The following PCNX3 variants were observed in gnomAD, a reference collection of about 807,000 sequenced individuals.
PCNX3 encodes pecanex 3, also known as pecanex-like protein 3.
A neutral mutation model predicts 207.2 loss-of-function variants in PCNX3; 58 were observed. The observed-to-expected ratio is 0.28, with a 90% confidence interval of 0.23 to 0.35. The LOEUF (loss-of-function observed/expected upper bound fraction) is 0.35, where lower values mean the gene tolerates loss of function less well. Among genes scored for constraint, PCNX3 ranks in the 10% least tolerant of loss-of-function variants. PCNX3 has a pLI of 1.00. For synonymous variants in PCNX3, 1,337 were observed against 1,183.5 expected (o/e 1.13, Z -2.66); for missense variants, 2,410 against 2,774.4 (o/e 0.87, Z 2.95).
chr11:65,632,238 C>A (rs1191670951), intron 27 of PCNX3, among the ~76,000 whole-genome samples: 1 of 151,394 alleles, frequency 6.6e-6, no homozygotes, highest in Non-Finnish European at 1.5e-5. Context: ...CTTGGAGGAC[C>A]TGGGGTGGCT....
Position 65,618,338 on chromosome 11 carries a change from C to A in PCNX3, c.976C>A (p.Pro326Thr). 6.2e-7 allele frequency: 1 copy of A among 1,611,844 alleles called. No homozygotes were observed. The highest frequency in any genetic ancestry group is 1.7e-5 in the Admixed American group (1 of 60,016). ...GACCAACTCCACCCATCTGGACAGCCCCCCAGGGGGGCCAGCCCCTGAGGG... is the reference window on the plus strand; with the variant it reads ...GACCAACTCCACCCATCTGGACAGCACCCCAGGGGGGCCAGCCCCTGAGGG... ...EKTNSTHLDS[P>T]PGGPAPEGSD... The change falls in exon 6 of 35, where the codon CCC (proline) becomes ACC (threonine). Residue 326 changes from proline (P) to threonine (T), a missense_variant. By Grantham distance (38) the Pro-to-Thr change is conservative. Transcript: ENST00000355703.
At chr11:65,619,422 C>T (rs1448895833) in intron 6 of PCNX3, 115 bp from the exon 7 acceptor site, 14 of 1,473,938 alleles carry the variant, frequency 9.5e-6, no homozygotes, top group East Asian at 2.4e-5. Flanking sequence ...GCCTCAGAGC[C>T]GGGGCGTGGT....
In PCNX3 at chr11:65,628,943, C is replaced by G. The variant is rs533208060; in HGVS notation, c.3936C>G (p.Asp1312Glu). Residue 1312 changes from aspartate (D) to glutamate (E), a missense_variant, in exon 24 of 35, where the codon GAC becomes GAG. Physicochemically the swap from Asp to Glu is conservative, Grantham distance 45 (BLOSUM62 2). Around this residue, in one of 8 missense-constraint regions of PCNX3, gnomAD observed 420 missense variants for 705.3 expected, o/e 0.60. Coordinates refer to ENST00000355703, the MANE Select transcript of PCNX3 (RefSeq NM_032223.4). The part of the protein sequence containing the change: ...YARPLKFWER[D>E]YNTKRVDHSN... ...GGCCCCTCAAGTTCTGGGAGCGCGA[C>G]TACAAGTGAGTCTCACAGGAGGCGG... 5.6e-6 allele frequency: 9 copies of G among 1,611,510 alleles called. No homozygotes were observed. Among genetic ancestry groups the G allele is most frequent in the African/African-American group, 1.3e-5 (1 of 74,944 alleles).
Position 65,619,002 on chromosome 11 carries a change from G to A in PCNX3, c.1640G>A (p.Arg547Lys), listed in dbSNP as rs1304127658. The A allele has an allele frequency of 6.3e-7, 1 of 1,597,958 alleles. No homozygotes were observed. Among genetic ancestry groups the A allele is most frequent in the African/African-American group, 1.3e-5 (1 of 74,974 alleles). ...EPVVLPAEARRGPAANQPGWR... is the reference protein window; with the variant it reads ...EPVVLPAEARKGPAANQPGWR... ...GTTGTGCTGCCTGCTGAGGCGCGAAGGGGACCCGCTGCCAACCAGCCCGGC... is the reference window on the plus strand; with the variant it reads ...GTTGTGCTGCCTGCTGAGGCGCGAAAGGGACCCGCTGCCAACCAGCCCGGC... The change falls in exon 6 of 35, where the codon AGG becomes AAG. Residue 547 changes from arginine to lysine, a missense_variant. Around this residue, in one of 8 missense-constraint regions of PCNX3, gnomAD observed 1,104 missense variants for 970.3 expected, o/e 1.14. Transcript: ENST00000355703.
rs1855357601 is a variant in PCNX3, at chr11:65,625,820, C to A, written c.3228+76C>A. The A allele has an allele frequency of 1.3e-6, 2 of 1,595,214 alleles. No individual in the cohort carries two copies. The highest frequency in any genetic ancestry group is 1.7e-5 in the Admixed American group (1 of 58,998). On this transcript the variant is annotated intron_variant, in intron 19 of 34. Transcript: ENST00000355703. The surrounding 1 kb of genome is among the most constrained non-coding windows in gnomAD (Gnocchi z 5.6). ...GCTCAATCTGAGTGCCGTGGGCAGC[C>A]CCTCCCCGGCCTGTGCCAGGTGGCC...
rs142356203 is a variant in PCNX3, at chr11:65,633,574, C to T, written c.4471-552C>T. On this transcript the variant is annotated intron_variant, in intron 27 of 34. Coordinates refer to ENST00000355703, the MANE Select transcript of PCNX3 (RefSeq NM_032223.4). ...TGCCCATGTGACATCTGGATGCTCC[C>T]GCGCTCGGGGTTATGTTTGTGCAGG... is the stretch of plus-strand genomic sequence containing the variant. Among the ~76,000 whole-genome samples the T allele has an allele frequency of 8.5e-3, 1,292 of 152,322 alleles. 20 individuals are homozygous for T. The highest frequency in any genetic ancestry group is 0.03 in the African/African-American group (1,241 of 41,562).
intron 26 of PCNX3, 28 bp downstream of exon 26, chr11:65,629,763 G>A (rs1354735000): frequency 4.5e-6 from 7 of 1,545,470 alleles, no homozygotes; most frequent in Non-Finnish European, 6.1e-6. Context: ...GCTCGGGTGG[G>A]CAGGCACAGC....
intron 10 of PCNX3, among the ~76,000 whole-genome samples, chr11:65,621,925 C>T (rs1268971662): frequency 6.6e-6 from 1 of 152,176 alleles, no homozygotes; most frequent in Non-Finnish European, 1.5e-5. Flanking sequence ...AAGTGGACTT[C>T]CTTGAGCTTC....
chr11:65,637,333 G>T lies in PCNX3; in HGVS notation c.*355G>T. 2 of 260,282 alleles carry T rather than the reference G, an allele frequency of 7.7e-6. No individual in the cohort carries two copies. The highest frequency in any genetic ancestry group is 2.2e-5 in the African/African-American group (1 of 44,886). 16.1% of individuals were successfully genotyped at this position (260,282 alleles called of 1,614,324 possible). A position where few individuals can be genotyped will look rare whatever the true frequency, so the allele number is the denominator to read the frequency against. On this transcript the variant is annotated 3_prime_UTR_variant, in exon 35 of 35. Transcript: ENST00000355703. ...CCCCCTTGGCCTGGACCTGGGGCCT[G>T]AATTGTGGGAAGGGTGGTTTCTTTC...
Position 65,618,057 on chromosome 11 carries a change from T to C in PCNX3, c.695T>C (p.Met232Thr). ...GGAGCGCCCTGGAGTGGGAGCAGCA[T>C]GGCTGACACTCCCATGAGCCCCCTG... Reference protein sequence around the residue: ...GDGAPWSGSSMADTPMSPLLK... With the variant: ...GDGAPWSGSSTADTPMSPLLK... Residue 232 changes from methionine (M) to threonine (T), a missense_variant, in exon 6 of 35, where the codon ATG (methionine) becomes ACG (threonine). Physicochemically the swap from Met to Thr is moderately conservative, Grantham distance 81. This residue lies in a region of PCNX3 where 1,104 missense variants were observed against 970.3 expected (regional missense o/e 1.14). Transcript: ENST00000355703. 4 of 1,606,950 alleles carry C rather than the reference T, an allele frequency of 2.5e-6. No homozygotes were observed. Among genetic ancestry groups the C allele is most frequent in the Non-Finnish European group, 3.4e-6 (4 of 1,177,244 alleles).
intron 12 of PCNX3, 47 bp downstream of exon 12, chr11:65,623,691 A>G: frequency 6.3e-7 from 1 of 1,595,342 alleles, no homozygotes; most frequent in Non-Finnish European, 8.6e-7. Context: ...ACTTTTCCCA[A>G]GATTGCCCTT....
At chr11:65,619,149 C>A in intron 6 of PCNX3, 82 bp downstream of exon 6, 1 of 1,146,926 alleles carries the variant, frequency 8.7e-7, no homozygotes, top group South Asian at 1.4e-5. Context: ...AAGAATGGAC[C>A]TGGTCAGTGT....
At chr11:65,623,813 C>A in intron 12 of PCNX3, 116 bp from the exon 13 acceptor site, 2 of 1,548,686 alleles carry the variant, frequency 1.3e-6, no homozygotes, top group Admixed American at 3.4e-5. Flanking sequence ...CAGGACAGTT[C>A]GGGGGCCTGA....
At chr11:65,626,672 C>T in intron 20 of PCNX3, 1 of 588,474 alleles carries the variant, frequency 1.7e-6, no homozygotes, top group Non-Finnish European at 3.0e-6. Flanking sequence ...CTTGTTTTAA[C>T]AGACAGCAGA....
Position 65,621,114 on chromosome 11 carries a change from T to C in PCNX3, c.2235+148T>C, listed in dbSNP as rs1855070988. Reference sequence around the variant, plus strand: ...CGCTCCAGGGGCCCTACTGTGTCTGTCCTGATCTTTGATGTTGGCAGAGAC... The same window carrying C: ...CGCTCCAGGGGCCCTACTGTGTCTGCCCTGATCTTTGATGTTGGCAGAGAC... On this transcript the variant is annotated intron_variant, in intron 10 of 34. Transcript: ENST00000355703. 3.6e-6 allele frequency: 4 copies of C among 1,096,264 alleles called. No individual in the cohort carries two copies. The Admixed American group carries it at 1.2e-4, about 33-fold the overall frequency. The allele number at this position is 1,096,264 out of a possible 1,614,324, so 67.9% of individuals were successfully genotyped here.
At chr11:65,633,412 C>T (rs1223508762) in intron 27 of PCNX3, among the ~76,000 whole-genome samples, 1 of 152,202 alleles carries the variant, frequency 6.6e-6, no homozygotes, top group Non-Finnish European at 1.5e-5. Flanking sequence ...ACCTGTGACC[C>T]AGGCACTCTG....
In PCNX3 at chr11:65,620,916, G is replaced by A. The variant is rs913049202; in HGVS notation, c.2185G>A (p.Val729Met). ...GGLNLLQPRP[V>M]VLQGMQVRRV... ...CCTGAACCTGCTGCAGCCGAGGCCT[G>A]TGGTTCTGCAGGGCATGCAGGTGCG... The change falls in exon 10 of 35, where the codon GTG (valine) becomes ATG (methionine). Residue 729 changes from valine (V) to methionine (M), a missense_variant. Physicochemically the swap from Val to Met is conservative, Grantham distance 21. Transcript: ENST00000355703. 5.1e-6 allele frequency: 8 copies of A among 1,562,522 alleles called. No homozygotes were observed. Among genetic ancestry groups the A allele is most frequent in the Non-Finnish European group, 6.9e-6 (8 of 1,154,076 alleles).
Position 65,626,068 on chromosome 11 carries a change from C to A in PCNX3, c.3379+14C>A. ...ATGAAGTGCGCGGTGAGTGCCCACC[C>A]CTGATGGCCAGGCCTGGGCAGTGGC... is the stretch of plus-strand genomic sequence containing the variant. On this transcript the variant is annotated intron_variant, in intron 20 of 34. Coordinates refer to ENST00000355703, the MANE Select transcript of PCNX3 (RefSeq NM_032223.4). The A allele has an allele frequency of 6.3e-7, 1 of 1,589,686 alleles. No individual in the cohort carries two copies. Among genetic ancestry groups the A allele is most frequent in the East Asian group, 2.3e-5 (1 of 43,590 alleles).
At chr11:65,620,531 C>A in intron 9 of PCNX3, 102 bp downstream of exon 9, 1 of 1,307,022 alleles carries the variant, frequency 7.7e-7, no homozygotes, top group Non-Finnish European at 1.1e-6. Flanking sequence ...TGGGCTTGGG[C>A]AGGGGCAGCT....
Sources: allele counts gnomAD v4.1 joint callset (sites outside exome capture counted in the v4.1 genomes callset), GRCh38; gene constraint gnomAD v4.1.1; regional missense constraint gnomAD v4.1.1; non-coding constraint Gnocchi (gnomAD v3.1); transcripts MANE v1.5; gene names NCBI Gene and HGNC (gene_info 2026-07-23, HGNC 2026-07-21).